Variants in WDR91 observed in about 807,000 individuals in gnomAD.
The protein encoded by WDR91 is WD repeat-containing protein 91.
In WDR91, 52 loss-of-function variants were observed where a neutral mutation model predicts 88.4. That is an observed-to-expected ratio of 0.59 (90% CI 0.47 to 0.74). The LOEUF (loss-of-function observed/expected upper bound fraction) is 0.74. WDR91 is among the 30% of genes least tolerant of loss of function. The pLI is 0.00. For synonymous variants in WDR91, 362 were observed against 389.5 expected (o/e 0.93, Z 0.83); for missense variants, 824 against 954.5 (o/e 0.86, Z 1.80).
chr7:135,189,843 T>TGG lies in WDR91; in HGVS notation c.1660-392_1660-391insCC, dbSNP rs752316489. On this transcript the variant is annotated intron_variant, in intron 11 of 14. Coordinates refer to ENST00000354475, the MANE Select transcript of WDR91 (RefSeq NM_014149.4). ...TGATGACAGACAACACTAATAAACC[T>TGG]GCCCTATGGCTCCCCACAGAAACAC... Among the ~76,000 whole-genome samples the TGG allele has an allele frequency of 3.2e-4, 49 of 152,174 alleles. 1 individual carries two copies. Among genetic ancestry groups the TGG allele is most frequent in the Non-Finnish European group, 7.4e-5 (5 of 68,024 alleles).
chr7:135,188,795 C>T (rs1221176726), intron 12 of WDR91, among the ~76,000 whole-genome samples: 1 of 152,188 alleles, frequency 6.6e-6, no homozygotes, highest in African/African-American at 2.4e-5. Flanking sequence ...GGGAGCTCAC[C>T]TGGGGAGCCC....
At position 135,186,265 on chromosome 7, in the gene WDR91, G is replaced by C; in HGVS notation, c.2130C>G (p.His710Gln). Residue 710 changes from histidine to glutamine, a missense_variant, in exon 15 of 15, where the codon CAC (histidine) becomes CAG (glutamine). Coordinates refer to ENST00000354475, the MANE Select transcript of WDR91 (RefSeq NM_014149.4). ...AGTCCACGGTGACCACAGGGGCTCGGTGGCCACCTAGGCTCAAGCAGCTCT... is the reference window on the plus strand; with the variant it reads ...AGTCCACGGTGACCACAGGGGCTCGCTGGCCACCTAGGCTCAAGCAGCTCT... Reference protein sequence around the residue: ...VLESCLSLGGHRAPVVTVDWS... With the variant: ...VLESCLSLGGQRAPVVTVDWS... The C allele has an allele frequency of 6.2e-7, 1 of 1,612,624 alleles. No homozygotes were observed. The highest frequency in any genetic ancestry group is 1.1e-5 in the South Asian group (1 of 90,876).
At chr7:135,207,386 C>T in intron 3 of WDR91, 184 bp from the exon 4 acceptor site, 2 of 608,160 alleles carry the variant, frequency 3.3e-6, no homozygotes, top group Non-Finnish European at 6.3e-6. Context: ...AAGACTTTCT[C>T]TAGGTCTGGC....
intron 13 of WDR91, 66 bp from the exon 14 acceptor site, chr7:135,187,235 G>GC: frequency 6.4e-7 from 1 of 1,555,234 alleles, no homozygotes; most frequent in Non-Finnish European, 8.8e-7. Flanking sequence ...TCAAGGAAGA[G>GC]CCAGGACCCA....
chr7:135,197,781 A>T, intron 7 of WDR91: 2 of 554,884 alleles, frequency 3.6e-6, no homozygotes, highest in Non-Finnish European at 6.2e-6. Flanking sequence ...TCTGGCCCCT[A>T]CTTAGGGAAA....
intron 6 of WDR91, chr7:135,201,985 G>A (rs1391226863): frequency 6.6e-6 from 1 of 152,224 alleles, no homozygotes; most frequent in Non-Finnish European, 1.5e-5. Context: ...AAACAGTTGA[G>A]GTGGGGGTTG....
rs752900701 is a variant in WDR91 at position 135,211,486 on chromosome 7, T to C, written c.17A>G (p.Glu6Gly). 1.1e-5 allele frequency: 17 copies of C among 1,611,234 alleles called. No homozygotes were observed. ...CTCCCGGACCAGCTCGTCAGTGCGC[T>C]CCACGGCCTCCGCCATCGCAGCGCT... Reference protein sequence around the residue: MAEAVERTDELVREYL... With the variant: MAEAVGRTDELVREYL... Residue 6 changes from glutamate (E) to glycine (G), a missense_variant, in exon 1 of 15, where the codon GAG (glutamate) becomes GGG (glycine). By Grantham distance (98) the Glu-to-Gly change is moderately conservative. Coordinates refer to ENST00000354475, the MANE Select transcript of WDR91 (RefSeq NM_014149.4).
chr7:135,185,048 TTAG>T lies in WDR91; in HGVS notation c.*1100_*1102del, dbSNP rs1830885991. 6.6e-6 allele frequency: 1 copy of T among 152,190 alleles called. No individual in the cohort carries two copies. The highest frequency in any genetic ancestry group is 1.5e-5 in the Non-Finnish European group (1 of 68,110). 9.4% of individuals were successfully genotyped at this position (152,190 alleles called of 1,614,324 possible). ...CCATGCCTGGCTAATTTTGGTATTT[TTAG>T]TAGAGATGGGGTTTCACCATGTTGG... On this transcript the variant is annotated 3_prime_UTR_variant, in exon 15 of 15. Coordinates refer to ENST00000354475, the MANE Select transcript of WDR91 (RefSeq NM_014149.4).
chr7:135,193,020 A>G (rs1049539380), intron 11 of WDR91, among the ~76,000 whole-genome samples: 7 of 152,196 alleles, frequency 4.6e-5, no homozygotes, highest in Non-Finnish European at 4.4e-5. Context: ...GCCCTCTGGT[A>G]GGTTCTGGGT....
intron 9 of WDR91, among the ~76,000 whole-genome samples, chr7:135,194,052 C>T (rs1052994793): frequency 2.0e-5 from 3 of 152,136 alleles, no homozygotes; most frequent in Non-Finnish European, 4.4e-5. Flanking sequence ...CCAGCGTACT[C>T]GCTTCGGCTG....
At chr7:135,194,445 A>T (rs947314869) in intron 9 of WDR91, among the ~76,000 whole-genome samples, 1 of 152,220 alleles carries the variant, frequency 6.6e-6, no homozygotes, top group Admixed American at 6.5e-5. Context: ...AAAAACAGCA[A>T]GGCAATTTTA....
chr7:135,194,507 C>T (rs1297063112), intron 9 of WDR91, among the ~76,000 whole-genome samples: 1 of 152,250 alleles, frequency 6.6e-6, no homozygotes, highest in Non-Finnish European at 1.5e-5. Context: ...GGGAAGAACA[C>T]TGTACTATTC....
At chr7:135,202,033 T>C (rs1180808306) in intron 6 of WDR91, 2 of 152,146 alleles carry the variant, frequency 1.3e-5, no homozygotes, top group Non-Finnish European at 1.5e-5. Context: ...ATGGAAAAGG[T>C]AGGAAGAGTC....
intron 7 of WDR91, chr7:135,197,535 A>C (rs781181148): frequency 5.1e-5 from 8 of 155,648 alleles, no homozygotes; most frequent in Non-Finnish European, 9.9e-5. Flanking sequence ...CTGTGTGGGC[A>C]CATGGCCCTC....
At chr7:135,194,910 G>A in intron 9 of WDR91, 24 bp downstream of exon 9, 1 of 1,612,510 alleles carries the variant, frequency 6.2e-7, no homozygotes, top group Non-Finnish European at 8.5e-7. Context: ...AGCAAAGCGG[G>A]CCCCACAGGC....
At position 135,197,540 on chromosome 7, in the gene WDR91, G is replaced by A. The variant is rs1037323479; in HGVS notation, c.1050+453C>T. ...CAGCCTCCCACTGTGTGGGCACATG[G>A]CCCTCAGTGCAGCAATACAGGCAGC... is the stretch of plus-strand genomic sequence containing the variant. On this transcript the variant is annotated intron_variant, in intron 7 of 14. Coordinates refer to ENST00000354475, the MANE Select transcript of WDR91 (RefSeq NM_014149.4). 1.9e-5 allele frequency: 3 copies of A among 155,904 alleles called. No individual in the cohort carries two copies. The East Asian group carries it at 5.7e-4, about 29-fold the overall frequency. The allele number at this position is 155,904 out of a possible 1,614,324, so 9.7% of individuals were successfully genotyped here.
At chr7:135,200,608 T>C (rs1048367191) in intron 6 of WDR91, among the ~76,000 whole-genome samples, 1 of 152,244 alleles carries the variant, frequency 6.6e-6, no homozygotes, top group African/African-American at 2.4e-5. Context: ...GAAATAACTG[T>C]TCATTGAAAG....
chr7:135,210,879 T>A (rs1831990974), intron 1 of WDR91: 2 of 703,594 alleles, frequency 2.8e-6, no homozygotes, highest in South Asian at 3.0e-5. Flanking sequence ...TGGGTTTCTC[T>A]AATGTGCCAT....
rs528740786 is a variant in WDR91 at position 135,185,892 on chromosome 7, G to T, written c.*259C>A. 20 of 442,656 alleles carry T rather than the reference G, an allele frequency of 4.5e-5. No homozygotes were observed. In the Admixed American group the frequency reaches 5.8e-4, roughly 13 times the overall value. The allele number at this position is 442,656 out of a possible 1,614,324, so 27.4% of individuals were successfully genotyped here. A position where few individuals can be genotyped will look rare whatever the true frequency, so the allele number is the denominator to read the frequency against. On this transcript the variant is annotated 3_prime_UTR_variant, in exon 15 of 15. Transcript: ENST00000354475. ...CCACTGCAATGTTTCTCCTTCTTCC[G>T]GAGCTTTCCTCCCATAGTCTCACAT...
Sources: allele counts gnomAD v4.1 joint callset (sites outside exome capture counted in the v4.1 genomes callset), GRCh38; gene constraint gnomAD v4.1.1; transcripts MANE v1.5; gene names NCBI Gene and HGNC (gene_info 2026-07-23, HGNC 2026-07-21).